The following PTPRT variants were observed in gnomAD, a reference collection of about 807,000 sequenced individuals.
PTPRT encodes protein tyrosine phosphatase receptor type T.
A neutral mutation model predicts 176.8 loss-of-function variants in PTPRT; 56 were observed. The observed-to-expected ratio is 0.32, with a 90% confidence interval of 0.26 to 0.40. PTPRT has a LOEUF of 0.40. Among genes scored for constraint, PTPRT ranks in the 10% least tolerant of loss-of-function variants. The probability of loss-of-function intolerance (pLI) is 1.00; values close to 1 mark genes in which losing one functional copy is unlikely to be tolerated. For synonymous variants in PTPRT, 783 were observed against 739.0 expected, an observed-to-expected ratio of 1.06 and a Z score of -0.96; for missense variants, 1,540 against 1,908.2, an observed-to-expected ratio of 0.81 and a Z score of 3.60.
chr20:42,407,440 C>T (rs2058972467), intron 9 of PTPRT, among the ~76,000 whole-genome samples: 1 of 152,024 alleles, frequency 6.6e-6, no homozygotes, highest in South Asian at 2.1e-4. Flanking sequence ...GATGTATATG[C>T]CAGGATACAT....
chr20:42,802,108 C>T (rs898168245), intron 2 of PTPRT, among the ~76,000 whole-genome samples: 1 of 152,204 alleles, frequency 6.6e-6, no homozygotes, highest in Non-Finnish European at 1.5e-5. Flanking sequence ...GCTTGTTAAA[C>T]TGTGCCGGGT....
chr20:42,815,574 A>G (rs1319958768), intron 2 of PTPRT, among the ~76,000 whole-genome samples: 2 of 152,242 alleles, frequency 1.3e-5, no homozygotes, highest in Non-Finnish European at 2.9e-5. Context: ...TAGGAGGTTC[A>G]TCCAAGCCTG....
At chr20:42,089,152 C>G (rs758751619) in intron 27 of PTPRT, among the ~76,000 whole-genome samples, 1 of 151,964 alleles carries the variant, frequency 6.6e-6, no homozygotes. Context: ...GCGCTGGTCA[C>G]GGGCCTCCAT....
chr20:42,541,713 G>C (rs1287471175), intron 7 of PTPRT, among the ~76,000 whole-genome samples: 2 of 151,786 alleles, frequency 1.3e-5, no homozygotes, highest in East Asian at 1.9e-4. Flanking sequence ...AAAATAACAA[G>C]AGAGGCTACT....
At chr20:43,166,727 G>C (rs772184662) in intron 1 of PTPRT, among the ~76,000 whole-genome samples, 15 of 152,154 alleles carry the variant, frequency 9.9e-5, no homozygotes, top group Non-Finnish European at 2.1e-4. Flanking sequence ...TACAGATAAG[G>C]GGGGTAAGAG....
the PTPRT span, among the ~76,000 whole-genome samples, chr20:42,041,261 G>C: frequency 6.6e-6 from 1 of 152,058 alleles, no homozygotes; most frequent in Admixed American, 6.6e-5. Context: ...AACTATGCTT[G>C]GTCTTGTTCA....
intron 18 of PTPRT, among the ~76,000 whole-genome samples, chr20:42,133,003 A>G (rs1394603123): frequency 6.6e-6 from 1 of 152,144 alleles, no homozygotes; most frequent in Non-Finnish European, 1.5e-5. Flanking sequence ...GGTTTTTTTG[A>G]CTTTATGATA....
At chr20:42,303,079 G>A (rs2057493011) in intron 12 of PTPRT, among the ~76,000 whole-genome samples, 1 of 152,166 alleles carries the variant, frequency 6.6e-6, no homozygotes, top group Admixed American at 6.5e-5. Flanking sequence ...GAGGGACTTA[G>A]ACTTTCTATT....
chr20:42,955,133 T>C (rs1981542699), intron 1 of PTPRT, among the ~76,000 whole-genome samples: 1 of 152,192 alleles, frequency 6.6e-6, no homozygotes, highest in African/African-American at 2.4e-5. Flanking sequence ...ATATAAATCA[T>C]ATTAATGATC....
intron 1 of PTPRT, among the ~76,000 whole-genome samples, chr20:43,123,008 C>T (rs2013323831): frequency 6.6e-6 from 1 of 152,106 alleles, no homozygotes; most frequent in Admixed American, 6.5e-5. Context: ...GTGTGAGCCA[C>T]CACACCTGGC....
At chr20:43,110,079 T>C (rs1379232777) in intron 1 of PTPRT, among the ~76,000 whole-genome samples, 2 of 152,236 alleles carry the variant, frequency 1.3e-5, no homozygotes, top group Non-Finnish European at 2.9e-5. Context: ...CTCATGATTT[T>C]GGATGCCTGG....
intron 1 of PTPRT, among the ~76,000 whole-genome samples, chr20:43,094,188 C>G (rs576966168): frequency 1.3e-5 from 2 of 149,296 alleles, no homozygotes; most frequent in African/African-American, 4.9e-5. Flanking sequence ...CCCGGGTTCA[C>G]GCCATTCTCC....
At chr20:42,255,058 A>G (rs550708400) in intron 13 of PTPRT, among the ~76,000 whole-genome samples, 1 of 152,154 alleles carries the variant, frequency 6.6e-6, no homozygotes, top group South Asian at 2.1e-4. Flanking sequence ...TGTCATCAAC[A>G]AGGACAAGAG....
chr20:42,400,440 G>A (rs900739439), intron 9 of PTPRT, among the ~76,000 whole-genome samples: 3 of 152,028 alleles, frequency 2.0e-5, no homozygotes, highest in Non-Finnish European at 4.4e-5. Flanking sequence ...GAGAGGAGAT[G>A]GTATTTAAAT....
intron 1 of PTPRT, among the ~76,000 whole-genome samples, chr20:43,181,944 T>C (rs2015268938): frequency 1.3e-5 from 2 of 152,104 alleles, no homozygotes; most frequent in Admixed American, 6.6e-5. Context: ...GCCAAACTGA[T>C]CACTTAAGGG....
intron 1 of PTPRT, among the ~76,000 whole-genome samples, chr20:42,941,540 CA>C (rs1171027252): frequency 2.0e-5 from 3 of 152,292 alleles, no homozygotes; most frequent in Non-Finnish European, 4.4e-5. Context: ...GTTTCATTCA[CA>C]AATAGTCCTT....
chr20:42,116,068 T>G, intron 21 of PTPRT: 1 of 725,196 alleles, frequency 1.4e-6, no homozygotes, highest in Non-Finnish European at 2.6e-6. Flanking sequence ...CGGCCTAGAG[T>G]GGCATTTCCC....
intron 1 of PTPRT, among the ~76,000 whole-genome samples, chr20:43,050,276 C>T (rs182030161): frequency 8.5e-5 from 13 of 152,300 alleles, no homozygotes; most frequent in East Asian, 3.9e-4. Context: ...TTGGGACACA[C>T]GACTGGTGGT....
chr20:43,135,971 A>G (rs113445985), intron 1 of PTPRT, among the ~76,000 whole-genome samples: 7 of 152,216 alleles, frequency 4.6e-5, no homozygotes, highest in African/African-American at 1.2e-4. Context: ...TAAAATTTTT[A>G]AAATAATCAC....
Sources: gnomAD v4.1 joint callset for allele counts (sites outside exome capture counted in the v4.1 genomes callset) on GRCh38, gnomAD v4.1.1 for gene constraint, MANE v1.5 for transcripts, NCBI Gene and HGNC (gene_info 2026-07-23, HGNC 2026-07-21) for gene names.